PTPRD: variants seen among roughly 807,000 people sequenced by gnomAD.
PTPRD encodes the protein receptor-type tyrosine-protein phosphatase delta.
In PTPRD, 34 loss-of-function variants were observed where a neutral mutation model predicts 214.5. That is an observed-to-expected ratio of 0.16 (90% CI 0.12 to 0.21). PTPRD has a LOEUF of 0.21. Ranked by LOEUF, PTPRD falls within the 10% of genes least tolerant of loss-of-function variation. The pLI, the probability that PTPRD is intolerant of heterozygous loss-of-function variation, is 1.00. For synonymous variants in PTPRD, 1,128 were observed against 845.7 expected, an observed-to-expected ratio of 1.33 and a Z score of -5.79; for missense variants, 2,545 against 2,398.7, an observed-to-expected ratio of 1.06 and a Z score of -1.27.
intron 14 of PTPRD, among the ~76,000 whole-genome samples, chr9:8,632,140 T>A (rs2096273406): frequency 6.8e-6 from 1 of 146,328 alleles, no homozygotes; most frequent in Non-Finnish European, 1.5e-5. Context: ...TGTGTGTGTG[T>A]GTGTGTGTCT....
rs184785016 is a variant in PTPRD, at chr9:10,183,705, G to A, written c.-544-149915C>T. 2.5e-3 allele frequency among the ~76,000 whole-genome samples: 375 copies of A among 152,168 alleles called. 1 individual carries two copies. Among genetic ancestry groups the A allele is most frequent in the Middle Eastern group, 6.8e-3 (2 of 294 alleles). ...GAAAAATGAAAAAGTAAGTGAAGGG[G>A]ACAAAGAGAGGACACAAGAAACAAT... On this transcript the variant is annotated intron_variant, in intron 3 of 45. Coordinates refer to ENST00000381196, the MANE Select transcript of PTPRD (RefSeq NM_002839.4).
At chr9:8,774,366 G>A (rs1383511220) in intron 11 of PTPRD, among the ~76,000 whole-genome samples, 1 of 151,998 alleles carries the variant, frequency 6.6e-6, no homozygotes, top group Non-Finnish European at 1.5e-5. Flanking sequence ...AAAGACCTCA[G>A]TGCCTTCAGA....
At chr9:9,626,472 G>A (rs1000603336) in intron 7 of PTPRD, among the ~76,000 whole-genome samples, 2 of 152,096 alleles carry the variant, frequency 1.3e-5, no homozygotes, top group Non-Finnish European at 2.9e-5. Context: ...GGGGAAAATC[G>A]ATCTCAAATG....
intron 5 of PTPRD, among the ~76,000 whole-genome samples, chr9:9,818,663 A>C (rs1464991777): frequency 6.6e-6 from 1 of 152,068 alleles, no homozygotes; most frequent in Non-Finnish European, 1.5e-5. Context: ...CATGCCTGTA[A>C]TCCCAGCACT....
At chr9:8,340,260 G>C (rs1851248254) in intron 42 of PTPRD, 83 bp downstream of exon 42, 1 of 1,441,310 alleles carries the variant, frequency 6.9e-7, no homozygotes, top group East Asian at 2.3e-5. Context: ...AAATGATCTA[G>C]CACAAGAGTT....
chr9:9,118,816 C>T (rs2099814766), intron 10 of PTPRD, among the ~76,000 whole-genome samples: 1 of 152,084 alleles, frequency 6.6e-6, no homozygotes, highest in Non-Finnish European at 1.5e-5. Flanking sequence ...AGTACTTATT[C>T]TACCTTAAAG....
intron 2 of PTPRD, among the ~76,000 whole-genome samples, chr9:10,576,039 G>T (rs186628752): frequency 6.6e-6 from 1 of 152,224 alleles, no homozygotes; most frequent in African/African-American, 2.4e-5. Context: ...GAAAGAGTTT[G>T]GTTCACAGGC....
intron 2 of PTPRD, among the ~76,000 whole-genome samples, chr9:10,457,678 C>G (rs1193819190): frequency 1.3e-5 from 2 of 152,012 alleles, no homozygotes; most frequent in East Asian, 3.9e-4. Context: ...TCCAAAGTAG[C>G]TGTGGCAATT....
chr9:10,425,769 C>A (rs888238981), intron 2 of PTPRD, among the ~76,000 whole-genome samples: 4 of 151,906 alleles, frequency 2.6e-5, no homozygotes, highest in African/African-American at 7.2e-5. Flanking sequence ...GCAGTCTAAT[C>A]AAGAAGGTGT....
chr9:8,987,744 T>G (rs1243981930), intron 11 of PTPRD, among the ~76,000 whole-genome samples: 1 of 151,988 alleles, frequency 6.6e-6, no homozygotes, highest in East Asian at 1.9e-4. Flanking sequence ...TTGAATGAAG[T>G]TGAAATTGTG....
intron 11 of PTPRD, among the ~76,000 whole-genome samples, chr9:8,790,608 G>A (rs537491371): frequency 2.6e-5 from 4 of 152,092 alleles, no homozygotes; most frequent in East Asian, 1.9e-4. Flanking sequence ...TGCTTTGTAC[G>A]TACTAGATGA....
chr9:9,480,005 G>A (rs1475380646), intron 8 of PTPRD, among the ~76,000 whole-genome samples: 1 of 152,110 alleles, frequency 6.6e-6, no homozygotes, highest in Non-Finnish European at 1.5e-5. Flanking sequence ...CTCTTTTCAT[G>A]AGCAAGAATA....
intron 2 of PTPRD, among the ~76,000 whole-genome samples, chr9:10,509,196 C>T (rs2047111927): frequency 6.6e-6 from 1 of 151,938 alleles, no homozygotes; most frequent in South Asian, 2.1e-4. Flanking sequence ...GCCTGCAACT[C>T]CATATTAAAA....
chr9:9,594,640 T>G (rs2073310774), intron 7 of PTPRD, among the ~76,000 whole-genome samples: 1 of 152,106 alleles, frequency 6.6e-6, no homozygotes, highest in Non-Finnish European at 1.5e-5. Flanking sequence ...TGTGCCTATT[T>G]TAACAGTACC....
At chr9:8,656,058 A>G (rs1355777891) in intron 12 of PTPRD, among the ~76,000 whole-genome samples, 1 of 152,196 alleles carries the variant, frequency 6.6e-6, no homozygotes, top group East Asian at 1.9e-4. Context: ...TAAACAAATC[A>G]GACTCCTAGC....
At chr9:8,393,390 TCCAA>T (rs2090201202) in intron 36 of PTPRD, among the ~76,000 whole-genome samples, 2 of 152,198 alleles carry the variant, frequency 1.3e-5, no homozygotes, top group Admixed American at 1.3e-4. Flanking sequence ...GAGACCTTCC[TCCAA>T]TACTAGAATA....
chr9:10,023,120 A>C lies in PTPRD; in HGVS notation c.-472+10598T>G, dbSNP rs181230904. On this transcript the variant is annotated intron_variant, in intron 4 of 45. Coordinates refer to ENST00000381196, the MANE Select transcript of PTPRD (RefSeq NM_002839.4). ...GAAGATTTTTGACACATTGATTATA[A>C]GCAAAACTTATTTAGATTTCTGTAA... Among the ~76,000 whole-genome samples, 15 of 152,338 alleles carry C rather than the reference A, an allele frequency of 9.8e-5. No individual in the cohort carries two copies. In the East Asian group the frequency reaches 2.9e-3, roughly 29 times the overall value.
intron 3 of PTPRD, among the ~76,000 whole-genome samples, chr9:10,074,687 T>C (rs1464039806): frequency 6.6e-6 from 1 of 152,114 alleles, no homozygotes; most frequent in Admixed American, 6.6e-5. Flanking sequence ...CCAGCTCTGA[T>C]TTAGAGGAAA....
intron 10 of PTPRD, among the ~76,000 whole-genome samples, chr9:9,131,457 T>A (rs2099842471): frequency 6.6e-6 from 1 of 152,134 alleles, no homozygotes; most frequent in African/African-American, 2.4e-5. Context: ...CAAATAATAA[T>A]ATCCCATGGA....
Sources: allele counts gnomAD v4.1 joint callset (sites outside exome capture counted in the v4.1 genomes callset), GRCh38; gene constraint gnomAD v4.1.1; transcripts MANE v1.5; gene names NCBI Gene and HGNC (gene_info 2026-07-23, HGNC 2026-07-21).